Variants in AFF3 observed in about 807,000 individuals in gnomAD.
AFF3 encodes ALF transcription elongation factor 3, also known as AF4/FMR2 family member 3.
AFF3 carries 32 observed loss-of-function variants against 129.7 expected under a neutral mutation model. The ratio of observed to expected loss-of-function variants is 0.25; its 90% CI spans 0.19 to 0.33. AFF3 has a LOEUF of 0.33. Among genes scored for constraint, AFF3 ranks in the 10% least tolerant of loss-of-function variants. The pLI, the probability that AFF3 is intolerant of heterozygous loss-of-function variation, is 1.00. For synonymous variants in AFF3, 644 were observed against 635.4 expected (o/e 1.01, Z -0.20); for missense variants, 1,373 against 1,592.0 (o/e 0.86, Z 2.34).
chr2:99,739,938 A>G (rs1575834351), intron 10 of AFF3, among the ~76,000 whole-genome samples: 1 of 149,186 alleles, frequency 6.7e-6, no homozygotes, highest in South Asian at 2.2e-4. Flanking sequence ...CATTAGGTAT[A>G]TCTCCTAAAG....
At chr2:99,783,343 G>C (rs1684542694) in intron 8 of AFF3, among the ~76,000 whole-genome samples, 1 of 152,148 alleles carries the variant, frequency 6.6e-6, no homozygotes, top group Non-Finnish European at 1.5e-5. Context: ...CTATCCCAAG[G>C]GGCTGACGCA....
In AFF3 at chr2:99,593,983, C is replaced by A. The variant is rs540766075; in HGVS notation, c.1678G>T (p.Ala560Ser). ...PPAAVAVAVS[A>S]AAPPPAVPCA... ...GGCACTGCGGGTGGCGGGGCGGCTG[C>A]GCTCACCGCCACGGCCACGGCCGCG... Residue 560 changes from alanine (A) to serine (S), a missense_variant, in exon 15 of 25, where the codon GCA becomes TCA. This residue lies in a region of AFF3 where 413 missense variants were observed against 424.4 expected (regional missense o/e 0.97). Coordinates refer to ENST00000672756, the MANE Select transcript of AFF3 (RefSeq NM_001386135.1). 3.3e-6 allele frequency: 5 copies of A among 1,516,358 alleles called. No homozygotes were observed. In the South Asian group the frequency reaches 5.4e-5, roughly 16 times the overall value. The allele number at this position is 1,516,358 out of a possible 1,614,324, so 93.9% of individuals were successfully genotyped here.
intron 2 of AFF3, among the ~76,000 whole-genome samples, chr2:100,127,833 T>C (rs1251663565): frequency 6.6e-6 from 1 of 152,170 alleles, no homozygotes; most frequent in African/African-American, 2.4e-5. Flanking sequence ...CCATCTTGAA[T>C]AGGAGCTGGG....
intron 18 of AFF3, among the ~76,000 whole-genome samples, chr2:99,578,011 G>A (rs779788315): frequency 1.3e-5 from 2 of 151,996 alleles, no homozygotes; most frequent in Admixed American, 1.3e-4. Flanking sequence ...GCATAAAACC[G>A]CCAACAGCCC....
At chr2:99,635,073 AATATGATATATACACATATCTCTATGT>A (rs1558675878) in intron 13 of AFF3, among the ~76,000 whole-genome samples, 4 of 150,228 alleles carry the variant, frequency 2.7e-5, no homozygotes, top group Admixed American at 6.7e-5. Context: ...CATATCTATG[AATATGATATATACACATATCTCTATGT>A]ATATGATATA....
chr2:99,618,994 A>G (rs1394077353), intron 13 of AFF3, among the ~76,000 whole-genome samples: 1 of 152,078 alleles, frequency 6.6e-6, no homozygotes, highest in African/African-American at 2.4e-5. Flanking sequence ...CAGTTCTCCC[A>G]GCTTGGCCTC....
chr2:99,672,190 A>T (rs1687215621), intron 12 of AFF3, among the ~76,000 whole-genome samples: 2 of 27,412 alleles, frequency 7.3e-5, no homozygotes, highest in Non-Finnish European at 1.2e-4. Context: ...ACACACACAC[A>T]CACACACACA....
intron 7 of AFF3, among the ~76,000 whole-genome samples, chr2:99,989,780 T>C (rs751914840): frequency 7.2e-5 from 11 of 152,228 alleles, no homozygotes; most frequent in Admixed American, 2.6e-4. Context: ...ATTCAAAATA[T>C]GATATTCTCT....
At chr2:99,615,692 T>G (rs1681356722) in intron 13 of AFF3, among the ~76,000 whole-genome samples, 1 of 152,226 alleles carries the variant, frequency 6.6e-6, no homozygotes. Context: ...GCGCTGCCTC[T>G]TTGGAGGCTG....
intron 1 of AFF3, among the ~76,000 whole-genome samples, chr2:100,139,821 T>C (rs1692788914): frequency 6.6e-6 from 1 of 152,210 alleles, no homozygotes; most frequent in Non-Finnish European, 1.5e-5. Flanking sequence ...TTGGAAATAC[T>C]AAAAGAACAG....
At chr2:100,126,532 T>C (rs555369333) in intron 2 of AFF3, among the ~76,000 whole-genome samples, 7 of 152,326 alleles carry the variant, frequency 4.6e-5, no homozygotes, top group African/African-American at 1.7e-4. Context: ...TCCTTGTTAG[T>C]GCATCGAAGC....
chr2:99,825,570 C>T (rs1170445971), intron 8 of AFF3, among the ~76,000 whole-genome samples: 6 of 152,188 alleles, frequency 3.9e-5, no homozygotes, highest in East Asian at 1.9e-4. Context: ...TTTTGACTTC[C>T]AGCCCTTGAT....
At chr2:100,100,755 A>G (rs993033295) in intron 4 of AFF3, among the ~76,000 whole-genome samples, 4 of 152,218 alleles carry the variant, frequency 2.6e-5, no homozygotes, top group Non-Finnish European at 4.4e-5. Context: ...GAATTAAATG[A>G]AAGCAACAGT....
At chr2:99,757,250 T>C (rs1043721885) in intron 8 of AFF3, among the ~76,000 whole-genome samples, 4 of 152,210 alleles carry the variant, frequency 2.6e-5, no homozygotes, top group Non-Finnish European at 5.9e-5. Flanking sequence ...CCACTCTAGA[T>C]GTCTACTGAG....
chr2:100,011,541 G>A, intron 4 of AFF3: 2 of 781,012 alleles, frequency 2.6e-6, no homozygotes, highest in Middle Eastern at 4.5e-4. Context: ...CAACTAGAGA[G>A]TCATTCCTCT....
intron 8 of AFF3, among the ~76,000 whole-genome samples, chr2:99,808,036 C>T (rs1243410369): frequency 2.7e-5 from 4 of 148,874 alleles, no homozygotes; most frequent in Admixed American, 2.0e-4. Context: ...ATCCCTCCCT[C>T]GCCAATGGGG....
rs1168382956 is a variant in AFF3, at chr2:99,671,657, GCATT to G, written c.1143+877_1143+880del. ...TCACTATTCCAAAACCAACAGAACA[GCATT>G]ATTATTTTGTACTGCATACAAAAAT... On this transcript the variant is annotated intron_variant, in intron 12 of 24. Transcript: ENST00000672756. Among the ~76,000 whole-genome samples, 4 of 152,022 alleles carry G rather than the reference GCATT, an allele frequency of 2.6e-5. No homozygotes were observed. In the East Asian group the frequency reaches 7.7e-4, roughly 29 times the overall value.
At chr2:99,598,489 T>C (rs1314557869) in intron 14 of AFF3, among the ~76,000 whole-genome samples, 1 of 152,148 alleles carries the variant, frequency 6.6e-6, no homozygotes, top group Non-Finnish European at 1.5e-5. Context: ...ACTACAGTGA[T>C]TTACGTGAAA....
chr2:99,948,980 T>A (rs563883600), intron 7 of AFF3, among the ~76,000 whole-genome samples: 1 of 152,212 alleles, frequency 6.6e-6, no homozygotes. Flanking sequence ...CTTGTTTAAG[T>A]TGACAATAAT....
Sources: gnomAD v4.1 joint callset for allele counts (sites outside exome capture counted in the v4.1 genomes callset) on GRCh38, gnomAD v4.1.1 for gene constraint, gnomAD v4.1.1 regional missense constraint, MANE v1.5 for transcripts, NCBI Gene and HGNC (gene_info 2026-07-23, HGNC 2026-07-21) for gene names.